Variants in FREM2 observed in about 807,000 individuals in gnomAD.
FREM2 encodes the protein FRAS1 related extracellular matrix 2.
Under a neutral mutation model 219.9 loss-of-function variants are expected in FREM2, and 119 were observed. The ratio of observed to expected loss-of-function variants is 0.54; its 90% CI spans 0.47 to 0.63. The LOEUF is 0.63. Among genes scored for constraint, FREM2 ranks in the 30% least tolerant of loss-of-function variants. The probability of loss-of-function intolerance (pLI) is 0.00; values close to 1 mark genes in which losing one functional copy is unlikely to be tolerated. For missense variants in FREM2, 4,030 were observed against 3,993.6 expected, an observed-to-expected ratio of 1.01 and a Z score of -0.25; for synonymous variants, 1,562 against 1,522.8, an observed-to-expected ratio of 1.03 and a Z score of -0.60.
intron 23 of FREM2, 134 bp from the exon 24 acceptor site, chr13:38,880,150 A>T (rs1878487775): frequency 1.0e-6 from 1 of 992,690 alleles, no homozygotes; most frequent in African/African-American, 1.6e-5. Flanking sequence ...CTCATTCAAA[A>T]ATATTAAGTA....
intron 2 of FREM2, among the ~76,000 whole-genome samples, chr13:38,732,823 A>T (rs537183633): frequency 2.0e-5 from 3 of 152,332 alleles, no homozygotes; most frequent in African/African-American, 7.2e-5. Flanking sequence ...AGAGAACACT[A>T]TTTTATATGG....
intron 6 of FREM2, among the ~76,000 whole-genome samples, chr13:38,794,655 C>A (rs75254611): frequency 6.6e-6 from 1 of 151,066 alleles, no homozygotes; most frequent in East Asian, 2.0e-4. Flanking sequence ...GTGTATTCTT[C>A]GTTTTTTTTT....
intron 23 of FREM2, 106 bp from the exon 24 acceptor site, chr13:38,880,178 A>G (rs945382153): frequency 4.1e-6 from 5 of 1,218,500 alleles, no homozygotes; most frequent in Non-Finnish European, 6.0e-6. Flanking sequence ...TCTGCAGACT[A>G]AAATCATTTA....
intron 2 of FREM2, 140 bp from the exon 3 acceptor site, chr13:38,764,164 T>C (rs570846185): frequency 4.5e-6 from 3 of 663,906 alleles, no homozygotes; most frequent in Admixed American, 2.4e-5. Flanking sequence ...TGTATCTCCA[T>C]GTACATATTC....
chr13:38,757,341 A>T (rs1873052768), intron 2 of FREM2, among the ~76,000 whole-genome samples: 1 of 152,190 alleles, frequency 6.6e-6, no homozygotes, highest in Non-Finnish European at 1.5e-5. Flanking sequence ...ACCTCCATGT[A>T]ATCTGGCCGT....
rs1431142132 is a variant in FREM2, at chr13:38,857,926, A to T, written c.7108A>T (p.Thr2370Ser). The part of the protein sequence containing the change: ...IEEMSSMADV[T>S]FPSVPQIVSL... ...AGAAATGAGCAGCATGGCAGATGTCACTTTTCCTTCTGTCCCTCAAATTGT... is the reference window on the plus strand; with the variant it reads ...AGAAATGAGCAGCATGGCAGATGTCTCTTTTCCTTCTGTCCCTCAAATTGT... The change falls in exon 13 of 24, where the codon ACT (threonine) becomes TCT (serine). Residue 2370 changes from threonine (T) to serine (S), a missense_variant. Physicochemically the swap from Thr to Ser is moderately conservative, Grantham distance 58. Around this residue, in one of 2 missense-constraint regions of FREM2, gnomAD observed 928 missense variants for 1,042.9 expected, o/e 0.89. Transcript: ENST00000280481. 1 of 1,613,752 alleles carries T rather than the reference A, an allele frequency of 6.2e-7. No individual in the cohort carries two copies. The highest frequency in any genetic ancestry group is 8.5e-7 in the Non-Finnish European group (1 of 1,179,732).
chr13:38,774,388 G>T (rs1240289139), intron 4 of FREM2, among the ~76,000 whole-genome samples: 1 of 152,092 alleles, frequency 6.6e-6, no homozygotes, highest in African/African-American at 2.4e-5. Flanking sequence ...AGAGAAGAAG[G>T]CATACTAACC....
intron 6 of FREM2, among the ~76,000 whole-genome samples, chr13:38,834,263 G>A (rs1469824864): frequency 6.6e-6 from 1 of 151,550 alleles, no homozygotes; most frequent in African/African-American, 2.4e-5. Flanking sequence ...GTGAGAACAT[G>A]CAGTGTTTAG....
chr13:38,719,254 C>G (rs903360702), intron 2 of FREM2, among the ~76,000 whole-genome samples: 2 of 152,262 alleles, frequency 1.3e-5, no homozygotes. Context: ...GAGTTTCGCT[C>G]TTGTTGCCCA....
At chr13:38,740,401 T>C (rs1872195647) in intron 2 of FREM2, among the ~76,000 whole-genome samples, 1 of 152,194 alleles carries the variant, frequency 6.6e-6, no homozygotes, top group African/African-American at 2.4e-5. Context: ...AACAGTTCTT[T>C]AGCAATGTGT....
intron 5 of FREM2, among the ~76,000 whole-genome samples, chr13:38,784,291 TG>T (rs1874238002): frequency 6.7e-6 from 1 of 149,922 alleles, no homozygotes; most frequent in Admixed American, 6.6e-5. Context: ...GCTATTAATT[TG>T]TAACATTGTG....
intron 6 of FREM2, among the ~76,000 whole-genome samples, chr13:38,801,354 G>T (rs76488351): frequency 2.0e-5 from 3 of 152,086 alleles, no homozygotes; most frequent in Non-Finnish European, 2.9e-5. Flanking sequence ...TTTGATAGAG[G>T]TCTGTTGTTG....
chr13:38,805,521 C>T (rs1468816543), intron 6 of FREM2, among the ~76,000 whole-genome samples: 2 of 151,668 alleles, frequency 1.3e-5, no homozygotes, highest in Admixed American at 6.6e-5. Context: ...GGCAATAGGC[C>T]GGTAAAATAC....
At chr13:38,801,286 C>G (rs902109414) in intron 6 of FREM2, among the ~76,000 whole-genome samples, 2 of 152,146 alleles carry the variant, frequency 1.3e-5, no homozygotes, top group Non-Finnish European at 2.9e-5. Flanking sequence ...TATCTTGTAT[C>G]TCACGGAGCT....
chr13:38,864,904 A>G (rs1466172116), intron 16 of FREM2, among the ~76,000 whole-genome samples: 1 of 152,198 alleles, frequency 6.6e-6, no homozygotes, highest in African/African-American at 2.4e-5. Context: ...TAAAAATCCA[A>G]ATACTGACTT....
rs1214823212 is a variant in FREM2 at position 38,687,557 on chromosome 13, C to T, written c.213C>T (p.Ala71=). The part of the protein sequence containing the change: ...AGAAGVPAEE[A]IVLANRGLRV... Reference sequence around the variant, plus strand: ...CTGCAGGGGTCCCTGCTGAGGAGGCCATAGTGCTGGCGAACCGCGGACTCC... The same window carrying T: ...CTGCAGGGGTCCCTGCTGAGGAGGCTATAGTGCTGGCGAACCGCGGACTCC... The change falls in exon 1 of 24, where the codon GCC becomes GCT. Residue 71 remains alanine (A), a synonymous_variant. Coordinates refer to ENST00000280481, the MANE Select transcript of FREM2 (RefSeq NM_207361.6). The T allele has an allele frequency of 3.7e-6, 6 of 1,602,382 alleles. No homozygotes were observed. The African/African-American group carries it at 8.0e-5, about 21-fold the overall frequency.
intron 16 of FREM2, among the ~76,000 whole-genome samples, chr13:38,866,524 C>T (rs750467162): frequency 1.1e-4 from 16 of 151,382 alleles, no homozygotes; most frequent in African/African-American, 2.7e-4. Flanking sequence ...TAAAATTAGC[C>T]GGGCGTGGTG....
intron 6 of FREM2, among the ~76,000 whole-genome samples, chr13:38,807,768 G>A (rs553600838): frequency 7.2e-5 from 11 of 151,916 alleles, no homozygotes; most frequent in Admixed American, 4.6e-4. Flanking sequence ...AGGCTTTGTT[G>A]CTCCATTTAC....
chr13:38,804,791 G>T (rs2137855166), intron 6 of FREM2, among the ~76,000 whole-genome samples: 1 of 152,174 alleles, frequency 6.6e-6, no homozygotes, highest in East Asian at 1.9e-4. Context: ...AAGGCTTTTG[G>T]GCACAGTGAG....
Sources: gnomAD v4.1 joint callset for allele counts (sites outside exome capture counted in the v4.1 genomes callset) on GRCh38, gnomAD v4.1.1 for gene constraint, gnomAD v4.1.1 regional missense constraint, MANE v1.5 for transcripts, NCBI Gene and HGNC (gene_info 2026-07-23, HGNC 2026-07-21) for gene names.